Variants in PTPRT observed in about 807,000 individuals in gnomAD.
PTPRT encodes receptor-type tyrosine-protein phosphatase T.
Under a neutral mutation model 176.8 loss-of-function variants are expected in PTPRT, and 56 were observed. That is an observed-to-expected ratio of 0.32 (90% CI 0.26 to 0.40). PTPRT has a LOEUF of 0.40. Among genes scored for constraint, PTPRT ranks in the 10% least tolerant of loss-of-function variants. PTPRT has a pLI of 1.00. For missense variants in PTPRT, 1,540 were observed against 1,908.2 expected (o/e 0.81, Z 3.60); for synonymous variants, 783 against 739.0 (o/e 1.06, Z -0.96).
At chr20:42,503,448 A>T (rs969255687) in intron 7 of PTPRT, among the ~76,000 whole-genome samples, 4 of 152,062 alleles carry the variant, frequency 2.6e-5, no homozygotes, top group African/African-American at 9.7e-5. Flanking sequence ...ATTTTGTAGG[A>T]GTGCTTTCAA....
At chr20:42,855,902 C>A (rs2078555131) in intron 2 of PTPRT, among the ~76,000 whole-genome samples, 1 of 152,160 alleles carries the variant, frequency 6.6e-6, no homozygotes, top group Non-Finnish European at 1.5e-5. Flanking sequence ...TTCCCTAAAT[C>A]CCTTCCCAGA....
At chr20:42,885,052 A>G (rs1427866994) in intron 2 of PTPRT, among the ~76,000 whole-genome samples, 1 of 151,584 alleles carries the variant, frequency 6.6e-6, no homozygotes, top group Admixed American at 6.6e-5. Flanking sequence ...TCAAGAATTC[A>G]CACTAGGCCT....
chr20:42,771,975 G>A (rs916337518), intron 4 of PTPRT, among the ~76,000 whole-genome samples: 7 of 152,152 alleles, frequency 4.6e-5, no homozygotes, highest in South Asian at 4.1e-4. Context: ...GTGAAACTAC[G>A]ACACTGAAAG....
rs185826233 is a variant in PTPRT, at chr20:42,624,798, A to G, written c.1153+53068T>C. Among the ~76,000 whole-genome samples the G allele has an allele frequency of 7.3e-4, 111 of 152,346 alleles. 2 individuals carry two copies. Among genetic ancestry groups the G allele is most frequent in the Admixed American group, 6.5e-4 (10 of 15,302 alleles). ...TATTCAGTTAGCTATTTATTTATTT[A>G]TTCACAGCCACATTCCACAAAGGGC... is the stretch of plus-strand genomic sequence containing the variant. On this transcript the variant is annotated intron_variant, in intron 7 of 30. Coordinates refer to ENST00000373187, the MANE Select transcript of PTPRT (RefSeq NM_007050.6).
At chr20:42,812,632 T>C (rs759773505) in intron 2 of PTPRT, among the ~76,000 whole-genome samples, 1 of 152,162 alleles carries the variant, frequency 6.6e-6, no homozygotes, top group Non-Finnish European at 1.5e-5. Context: ...TTCAGGATTT[T>C]TTTTTTATCC....
chr20:42,412,895 A>G (rs899674557), intron 9 of PTPRT, among the ~76,000 whole-genome samples: 11 of 152,136 alleles, frequency 7.2e-5, no homozygotes, highest in African/African-American at 2.4e-4. Context: ...AGCACAGGGA[A>G]GAATTAATTT....
intron 3 of PTPRT, 106 bp downstream of exon 3, chr20:42,791,089 G>T: frequency 7.3e-7 from 1 of 1,372,318 alleles, no homozygotes; most frequent in Non-Finnish European, 9.8e-7. Context: ...CAGTAAACAC[G>T]AGTGAATAAA....
chr20:43,028,240 TC>T, intron 1 of PTPRT, among the ~76,000 whole-genome samples: 1 of 152,106 alleles, frequency 6.6e-6, no homozygotes, highest in East Asian at 1.9e-4. Flanking sequence ...GAGAGGCCCT[TC>T]CAGATACTGC....
chr20:42,735,143 T>C (rs1467876358), intron 6 of PTPRT, among the ~76,000 whole-genome samples: 4 of 152,258 alleles, frequency 2.6e-5, no homozygotes, highest in South Asian at 4.1e-4. Flanking sequence ...TGATGATTCA[T>C]TGAAGCTCAG....
At chr20:42,777,281 C>G (rs2077151588) in intron 4 of PTPRT, among the ~76,000 whole-genome samples, 2 of 152,154 alleles carry the variant, frequency 1.3e-5, no homozygotes, top group Admixed American at 6.5e-5. Context: ...GCCCTGACCA[C>G]CTTCTCCTGT....
In PTPRT at chr20:42,276,670, G is replaced by A. The variant is rs544708706; in HGVS notation, c.2176+5819C>T. Among the ~76,000 whole-genome samples the A allele has an allele frequency of 5.3e-5, 8 of 149,992 alleles. No individual in the cohort carries two copies. The South Asian group carries it at 1.5e-3, about 28-fold the overall frequency. On this transcript the variant is annotated intron_variant, in intron 13 of 30. Transcript: ENST00000373187. ...CAAGGTCTAACAGCTAAATTTTGGG[G>A]GACAGGATTTGAATCCAGGTGTTTC...
chr20:43,045,301 C>A (rs1986785874), intron 1 of PTPRT, among the ~76,000 whole-genome samples: 1 of 152,194 alleles, frequency 6.6e-6, no homozygotes, highest in East Asian at 1.9e-4. Flanking sequence ...TTAGAGCTAA[C>A]TGGTACTGAC....
At chr20:42,236,367 C>T (rs1204850294) in intron 14 of PTPRT, 109 bp from the exon 15 acceptor site, 2 of 959,854 alleles carry the variant, frequency 2.1e-6, no homozygotes, top group South Asian at 2.9e-5. Flanking sequence ...CTTAGAAATG[C>T]ACATATTATT....
intron 6 of PTPRT, among the ~76,000 whole-genome samples, chr20:42,749,128 G>T (rs2076732968): frequency 6.6e-6 from 1 of 152,100 alleles, no homozygotes; most frequent in African/African-American, 2.4e-5. Flanking sequence ...AAGAACAGCT[G>T]GATGCAGAGA....
At chr20:42,672,276 C>A (rs1190145450) in intron 7 of PTPRT, among the ~76,000 whole-genome samples, 1 of 152,174 alleles carries the variant, frequency 6.6e-6, no homozygotes, top group Non-Finnish European at 1.5e-5. Context: ...CATGTAAAGA[C>A]TAGACTGGCT....
chr20:42,138,003 T>C (rs768334536), intron 18 of PTPRT, among the ~76,000 whole-genome samples: 2 of 152,238 alleles, frequency 1.3e-5, no homozygotes, highest in South Asian at 2.1e-4. Flanking sequence ...AGGAGGCTGA[T>C]TGCTATGGCC....
chr20:42,169,209 A>G (rs1043223398), intron 16 of PTPRT, among the ~76,000 whole-genome samples: 1 of 152,202 alleles, frequency 6.6e-6, no homozygotes. Flanking sequence ...GGTCTTTGAC[A>G]TGGTAAAGAC....
intron 7 of PTPRT, among the ~76,000 whole-genome samples, chr20:42,578,907 G>C (rs957910964): frequency 1.1e-4 from 17 of 150,340 alleles, no homozygotes; most frequent in African/African-American, 3.9e-4. Context: ...TTTTTTGGGG[G>C]GGGGTCGGTT....
intron 7 of PTPRT, among the ~76,000 whole-genome samples, chr20:42,668,817 G>C (rs1175896618): frequency 6.7e-6 from 1 of 149,474 alleles, no homozygotes; most frequent in African/African-American, 2.5e-5. Flanking sequence ...TCAGCCTCCC[G>C]AGTAGCTGGG....
Sources: gnomAD v4.1 joint callset for allele counts (sites outside exome capture counted in the v4.1 genomes callset) on GRCh38, gnomAD v4.1.1 for gene constraint, MANE v1.5 for transcripts, NCBI Gene and HGNC (gene_info 2026-07-23, HGNC 2026-07-21) for gene names.